The following APBB2 variants were observed in gnomAD, a reference collection of about 807,000 sequenced individuals.
APBB2 encodes the protein Fe65-like 1.
In APBB2, 38 loss-of-function variants were observed where a neutral mutation model predicts 82.5. The observed-to-expected ratio is 0.46, with a 90% CI of 0.36 to 0.60. The LOEUF (loss-of-function observed/expected upper bound fraction) is 0.60, where lower values mean the gene tolerates loss of function less well. APBB2 is among the 20% of genes least tolerant of loss of function. APBB2 has a pLI of 0.00. For missense variants in APBB2, 772 were observed against 972.3 expected (o/e 0.79, Z 2.74); for synonymous variants, 341 against 368.2 (o/e 0.93, Z 0.85).
chr4:40,905,751 C>T (rs1423900455), intron 10 of APBB2, among the ~76,000 whole-genome samples: 1 of 152,190 alleles, frequency 6.6e-6, no homozygotes, highest in African/African-American at 2.4e-5. Flanking sequence ...TACTTTATTG[C>T]TGGGGATTCA....
At chr4:40,947,228 T>C (rs1788697562) in intron 6 of APBB2, among the ~76,000 whole-genome samples, 1 of 152,216 alleles carries the variant, frequency 6.6e-6, no homozygotes, top group South Asian at 2.1e-4. Flanking sequence ...GAGAAAACCC[T>C]AGCAAGTGGG....
intron 2 of APBB2, among the ~76,000 whole-genome samples, chr4:41,139,464 G>T (rs1175766023): frequency 2.0e-5 from 3 of 152,128 alleles, no homozygotes; most frequent in Non-Finnish European, 4.4e-5. Context: ...ATAAAAACCT[G>T]CAAATTAATG....
chr4:41,081,617 A>G (rs774751882), intron 3 of APBB2, among the ~76,000 whole-genome samples: 4 of 152,208 alleles, frequency 2.6e-5, no homozygotes, highest in Non-Finnish European at 4.4e-5. Context: ...TTCCATCTCA[A>G]CAAAGCTTTA....
intron 12 of APBB2, among the ~76,000 whole-genome samples, chr4:40,885,257 A>C (rs922191746): frequency 3.3e-5 from 5 of 152,260 alleles, no homozygotes; most frequent in African/African-American, 1.2e-4. Context: ...GAAAGTCACA[A>C]TAAGCTAACA....
intron 5 of APBB2, among the ~76,000 whole-genome samples, chr4:41,030,156 A>G (rs1371077822): frequency 6.6e-6 from 1 of 152,112 alleles, no homozygotes; most frequent in South Asian, 2.1e-4. Flanking sequence ...ACTCCATCTC[A>G]AAACAAAAAG....
chr4:41,013,474 T>TTCC (rs1808954051), intron 6 of APBB2, 109 bp downstream of exon 6: 2 of 1,039,750 alleles, frequency 1.9e-6, no homozygotes, highest in African/African-American at 3.2e-5. Flanking sequence ...GAGGCTCACG[T>TTCC]TCCTCTCTGC....
chr4:41,114,684 G>A (rs185763480), intron 2 of APBB2, among the ~76,000 whole-genome samples: 48 of 151,956 alleles, frequency 3.2e-4, no homozygotes, highest in African/African-American at 1.1e-3. Context: ...AATAATAGAC[G>A]AACAGAGAGC....
intron 1 of APBB2, among the ~76,000 whole-genome samples, chr4:41,161,009 G>A (rs74800413): frequency 0.02 from 3,082 of 152,014 alleles, 93 homozygotes; most frequent in African/African-American, 0.072. Context: ...GTGGCCTCCC[G>A]AGCCTGACCT....
At chr4:40,914,967 C>T (rs1779487336) in intron 10 of APBB2, among the ~76,000 whole-genome samples, 1 of 152,200 alleles carries the variant, frequency 6.6e-6, no homozygotes, top group Admixed American at 6.5e-5. Flanking sequence ...ACCTGATTTA[C>T]TCAGACCTCA....
chr4:40,834,875 G>A (rs1051162689), intron 12 of APBB2, among the ~76,000 whole-genome samples: 3 of 152,186 alleles, frequency 2.0e-5, no homozygotes, highest in Non-Finnish European at 2.9e-5. Context: ...GTGGCGTGGC[G>A]TTAGGCCACT....
At chr4:41,052,770 C>CT (rs1441303446) in intron 4 of APBB2, among the ~76,000 whole-genome samples, 2 of 105,792 alleles carry the variant, frequency 1.9e-5, no homozygotes, top group South Asian at 2.8e-4. Context: ...TTCTTTCTTT[C>CT]TTCTTTTTTT....
In APBB2 at chr4:40,811,270, A is replaced by G. The variant is rs1320138892; in HGVS notation, c.*4822T>C. The G allele has an allele frequency of 6.6e-6, 1 of 152,224 alleles. No individual in the cohort carries two copies. The highest frequency in any genetic ancestry group is 1.5e-5 in the Non-Finnish European group (1 of 68,046). The allele number at this position is 152,224 out of a possible 1,614,324, so 9.4% of individuals were successfully genotyped here. ...GAGTGAAAAGGGAAAAGAATTTTGGATAAAAGCAATATGAGGCCGGACGTG... is the reference window on the plus strand; with the variant it reads ...GAGTGAAAAGGGAAAAGAATTTTGGGTAAAAGCAATATGAGGCCGGACGTG... On this transcript the variant is annotated 3_prime_UTR_variant, in exon 18 of 18. Transcript: ENST00000508593.
intron 6 of APBB2, among the ~76,000 whole-genome samples, chr4:40,983,923 GTAA>G (rs1472432828): frequency 3.3e-5 from 5 of 152,116 alleles, no homozygotes; most frequent in Admixed American, 6.5e-5. Context: ...GAGGTTTCTT[GTAA>G]GGGAAAAAAA....
chr4:40,848,993 T>C (rs28584315), intron 12 of APBB2: 73 of 710,920 alleles, frequency 1.0e-4, no homozygotes, highest in African/African-American at 1.0e-3. Flanking sequence ...CACTTACCAC[T>C]GTCTGGCACA....
intron 6 of APBB2, among the ~76,000 whole-genome samples, chr4:41,009,343 T>TC (rs145891482): frequency 0.038 from 5,716 of 152,088 alleles, 202 homozygotes; most frequent in African/African-American, 0.098. Context: ...ATGAAAATAG[T>TC]CATTTCACAG....
intron 10 of APBB2, among the ~76,000 whole-genome samples, chr4:40,927,109 A>T (rs541090141): frequency 2.0e-5 from 3 of 152,218 alleles, no homozygotes; most frequent in Non-Finnish European, 2.9e-5. Flanking sequence ...ACCTGAAATG[A>T]CTTCTAATTT....
intron 6 of APBB2, among the ~76,000 whole-genome samples, chr4:40,994,927 G>C (rs947186330): frequency 6.6e-6 from 1 of 151,584 alleles, no homozygotes; most frequent in African/African-American, 2.4e-5. Context: ...TGTATCTTAA[G>C]AAAGATTGTA....
intron 10 of APBB2, among the ~76,000 whole-genome samples, chr4:40,912,772 A>G (rs1335318326): frequency 6.6e-6 from 1 of 151,950 alleles, no homozygotes; most frequent in Non-Finnish European, 1.5e-5. Flanking sequence ...TTCACATCCC[A>G]CCTTCTCGGA....
intron 12 of APBB2, 131 bp from the exon 13 acceptor site, chr4:40,830,708 A>C: frequency 1.6e-6 from 1 of 609,522 alleles, no homozygotes; most frequent in Non-Finnish European, 2.9e-6. Context: ...TTAAAAGAAA[A>C]ATTAAATTAC....
Sources: gnomAD v4.1 joint callset for allele counts (sites outside exome capture counted in the v4.1 genomes callset) on GRCh38, gnomAD v4.1.1 for gene constraint, MANE v1.5 for transcripts, NCBI Gene and HGNC (gene_info 2026-07-23, HGNC 2026-07-21) for gene names.